MAGI2: variants seen among roughly 807,000 people sequenced by gnomAD.
MAGI2 encodes membrane-associated guanylate kinase, WW and PDZ domain-containing protein 2.
Under a neutral mutation model 133.3 loss-of-function variants are expected in MAGI2, and 35 were observed. The ratio of observed to expected loss-of-function variants is 0.26; its 90% CI spans 0.20 to 0.35. The LOEUF is 0.35. Among genes scored for constraint, MAGI2 ranks in the 10% least tolerant of loss-of-function variants. The probability of loss-of-function intolerance (pLI) is 1.00; values close to 1 mark genes in which losing one functional copy is unlikely to be tolerated. For missense variants in MAGI2, 1,636 were observed against 1,863.4 expected (o/e 0.88, Z 2.25); for synonymous variants, 729 against 710.6 (o/e 1.03, Z -0.41).
intron 2 of MAGI2, among the ~76,000 whole-genome samples, chr7:78,795,362 A>G (rs1787518796): frequency 6.6e-6 from 1 of 152,020 alleles, no homozygotes; most frequent in African/African-American, 2.4e-5. Flanking sequence ...TAGTAAAGTT[A>G]CAGGATATAA....
intron 3 of MAGI2, among the ~76,000 whole-genome samples, chr7:78,579,971 A>T (rs1191340175): frequency 1.3e-5 from 2 of 152,214 alleles, no homozygotes; most frequent in Admixed American, 6.5e-5. Context: ...CACCTGGCAT[A>T]TACTTAGACT....
intron 2 of MAGI2, among the ~76,000 whole-genome samples, chr7:78,726,583 A>T (rs556714824): frequency 8.5e-5 from 13 of 152,322 alleles, no homozygotes; most frequent in South Asian, 8.3e-4. Context: ...GTGGGGACAA[A>T]ATTACTGTTG....
intron 3 of MAGI2, among the ~76,000 whole-genome samples, chr7:78,558,630 C>T (rs912589084): frequency 7.2e-5 from 11 of 152,050 alleles, no homozygotes; most frequent in Non-Finnish European, 1.5e-4. Flanking sequence ...TAATTTACAA[C>T]CCTCCATCCT....
intron 6 of MAGI2, among the ~76,000 whole-genome samples, chr7:78,398,650 T>C (rs1796576603): frequency 6.6e-6 from 1 of 152,132 alleles, no homozygotes; most frequent in African/African-American, 2.4e-5. Context: ...GGGATCCATC[T>C]TTCTGAAACG....
At chr7:78,846,306 C>G (rs1360401358) in intron 2 of MAGI2, among the ~76,000 whole-genome samples, 3 of 151,930 alleles carry the variant, frequency 2.0e-5, no homozygotes, top group Non-Finnish European at 4.4e-5. Context: ...TTTAGTTATA[C>G]TTGCATCTCA....
intron 2 of MAGI2, among the ~76,000 whole-genome samples, chr7:78,633,922 A>C (rs2150971319): frequency 6.6e-6 from 1 of 152,344 alleles, no homozygotes; most frequent in Admixed American, 6.5e-5. Context: ...AAAAGCATAA[A>C]CACCATGCCA....
intron 6 of MAGI2, among the ~76,000 whole-genome samples, chr7:78,437,203 T>A (rs148178133): frequency 1.3e-3 from 192 of 152,236 alleles, no homozygotes; most frequent in African/African-American, 4.4e-3. Flanking sequence ...CCACGAAGCA[T>A]CATGGCTGCC....
intron 1 of MAGI2, among the ~76,000 whole-genome samples, chr7:79,425,740 G>A (rs1206227152): frequency 1.3e-5 from 2 of 151,754 alleles, no homozygotes; most frequent in Admixed American, 6.6e-5. Flanking sequence ...TTAACATCGT[G>A]TTTACGAGTG....
intron 1 of MAGI2, among the ~76,000 whole-genome samples, chr7:79,061,671 TG>T (rs750944023): frequency 6.6e-6 from 1 of 152,092 alleles, no homozygotes; most frequent in Non-Finnish European, 1.5e-5. Context: ...CTACTTTGTA[TG>T]CCAATAACAG....
At chr7:78,716,002 C>A (rs958796976) in intron 2 of MAGI2, among the ~76,000 whole-genome samples, 1 of 152,148 alleles carries the variant, frequency 6.6e-6, no homozygotes, top group African/African-American at 2.4e-5. Context: ...AACCAAATTG[C>A]CCTTCACGTG....
intron 2 of MAGI2, among the ~76,000 whole-genome samples, chr7:78,644,836 A>G (rs1351885101): frequency 6.6e-6 from 1 of 152,160 alleles, no homozygotes; most frequent in African/African-American, 2.4e-5. Context: ...ATAGCTGGCT[A>G]AGAGAAAAAT....
At chr7:78,894,881 G>C (rs537830737) in intron 2 of MAGI2, among the ~76,000 whole-genome samples, 1 of 151,940 alleles carries the variant, frequency 6.6e-6, no homozygotes, top group Non-Finnish European at 1.5e-5. Flanking sequence ...TTTAATAATT[G>C]TTACCCTAAG....
At chr7:78,780,980 CA>C (rs1412325475) in intron 2 of MAGI2, among the ~76,000 whole-genome samples, 5 of 151,686 alleles carry the variant, frequency 3.3e-5, no homozygotes, top group Non-Finnish European at 5.9e-5. Context: ...GATGGCCTCA[CA>C]AATGATATTC....
chr7:78,277,597 T>C (rs1052983148), intron 9 of MAGI2, among the ~76,000 whole-genome samples: 1 of 151,874 alleles, frequency 6.6e-6, no homozygotes, highest in African/African-American at 2.4e-5. Flanking sequence ...ATGAGGGAGA[T>C]AGGAAAAGTG....
At chr7:78,716,009 C>T (rs996834788) in intron 2 of MAGI2, among the ~76,000 whole-genome samples, 7 of 152,144 alleles carry the variant, frequency 4.6e-5, no homozygotes, top group Admixed American at 2.0e-4. Context: ...TTGCCCTTCA[C>T]GTGGTAAGTC....
chr7:78,958,496 C>A (rs1344950273), intron 2 of MAGI2, among the ~76,000 whole-genome samples: 1 of 151,960 alleles, frequency 6.6e-6, no homozygotes, highest in Non-Finnish European at 1.5e-5. Flanking sequence ...AATCATAACT[C>A]AATGAAAATT....
At chr7:78,448,708 A>G (rs1788407718) in intron 6 of MAGI2, among the ~76,000 whole-genome samples, 1 of 152,114 alleles carries the variant, frequency 6.6e-6, no homozygotes, top group African/African-American at 2.4e-5. Context: ...TATATTTTAT[A>G]CAATAATTTA....
intron 2 of MAGI2, among the ~76,000 whole-genome samples, chr7:78,646,225 AT>A (rs563748943): frequency 3.9e-5 from 6 of 152,296 alleles, no homozygotes; most frequent in African/African-American, 1.4e-4. Flanking sequence ...ATAGAAAAAT[AT>A]TAAAATTTAT....
intron 2 of MAGI2, among the ~76,000 whole-genome samples, chr7:78,655,467 A>C (rs1812117478): frequency 6.7e-6 from 1 of 150,320 alleles, no homozygotes; most frequent in Non-Finnish European, 1.5e-5. Flanking sequence ...AAAAAAAAAA[A>C]AAAAAAAACC....
Sources: allele counts gnomAD v4.1 joint callset (sites outside exome capture counted in the v4.1 genomes callset), GRCh38; gene constraint gnomAD v4.1.1; transcripts MANE v1.5; gene names NCBI Gene and HGNC (gene_info 2026-07-23, HGNC 2026-07-21).